The following AGAP1 variants were observed in gnomAD, a reference collection of about 807,000 sequenced individuals.
The protein encoded by AGAP1 is arf-GAP with GTPase, ANK repeat and PH domain-containing protein 1.
Under a neutral mutation model 105.3 loss-of-function variants are expected in AGAP1, and 29 were observed. That is an observed-to-expected ratio of 0.28 (90% confidence interval 0.21 to 0.38). AGAP1 has a LOEUF of 0.38. Ranked by LOEUF, AGAP1 falls within the 10% of genes least tolerant of loss-of-function variation. The pLI is 1.00. For missense variants in AGAP1, 998 were observed against 1,165.1 expected, an observed-to-expected ratio of 0.86 and a Z score of 2.09; for synonymous variants, 509 against 485.9, an observed-to-expected ratio of 1.05 and a Z score of -0.63.
chr2:235,946,948 C>T (rs1458444486), intron 12 of AGAP1, among the ~76,000 whole-genome samples: 2 of 152,200 alleles, frequency 1.3e-5, no homozygotes, highest in Non-Finnish European at 2.9e-5. Flanking sequence ...TCCTTCTTCC[C>T]CACCTTACTT....
At chr2:236,016,796 A>T (rs950233202) in intron 13 of AGAP1, among the ~76,000 whole-genome samples, 1 of 152,160 alleles carries the variant, frequency 6.6e-6, no homozygotes, top group Non-Finnish European at 1.5e-5. Context: ...ATTCCTGGGG[A>T]TACTAAATAG....
Position 235,650,917 on chromosome 2 carries a change from C to T in AGAP1, c.164-58262C>T, listed in dbSNP as rs947761992. ...GACCCTGGCCAGGCGTGGTGGCTCA[C>T]GCCTATAATCCCAGCACTTTGGGAA... On this transcript the variant is annotated intron_variant, in intron 1 of 17. Coordinates refer to ENST00000304032, the MANE Select transcript of AGAP1 (RefSeq NM_001037131.3). Among the ~76,000 whole-genome samples, 7 of 152,048 alleles carry T rather than the reference C, an allele frequency of 4.6e-5. No individual in the cohort carries two copies. The South Asian group carries it at 1.5e-3, about 32-fold the overall frequency.
At position 235,973,637 on chromosome 2, in the gene AGAP1, G is replaced by A. The variant is rs1001963353; in HGVS notation, c.1645+5014G>A. On this transcript the variant is annotated intron_variant, in intron 13 of 17. Transcript: ENST00000304032. The surrounding 1 kb of genome is among the most constrained non-coding windows in gnomAD (Gnocchi z 4.7). ...TGATGGAAGGTTTGCAAAGAAGGGC[G>A]TCCCAACTTGTCCTGGATGGCCCAG... is the stretch of plus-strand genomic sequence containing the variant. Among the ~76,000 whole-genome samples the A allele has an allele frequency of 1.3e-5, 2 of 152,344 alleles. No homozygotes were observed. The highest frequency in any genetic ancestry group is 4.8e-5 in the African/African-American group (2 of 41,590).
At chr2:235,826,827 G>C (rs553244021) in intron 9 of AGAP1, among the ~76,000 whole-genome samples, 4 of 152,166 alleles carry the variant, frequency 2.6e-5, no homozygotes, top group African/African-American at 9.7e-5. Flanking sequence ...GTGGCTGGCT[G>C]TCTTCGTCAC....
intron 3 of AGAP1, among the ~76,000 whole-genome samples, chr2:235,731,961 C>T (rs182142541): frequency 6.6e-6 from 1 of 152,324 alleles, no homozygotes; most frequent in African/African-American, 2.4e-5. Context: ...ATGGAAGGGG[C>T]AGCCGTGGCC....
At position 235,993,780 on chromosome 2, in the gene AGAP1, G is replaced by T. The variant is rs998429150; in HGVS notation, c.1645+25157G>T. 6.6e-6 allele frequency among the ~76,000 whole-genome samples: 1 copy of T among 152,150 alleles called. No individual in the cohort carries two copies. The highest frequency in any genetic ancestry group is 6.5e-5 in the Admixed American group (1 of 15,278). ...CACGCCCTTCTGCTTTGGCTGTGTAGATGCTGTTCCAGTCCTGGGGAGCAC... is the reference window on the plus strand; with the variant it reads ...CACGCCCTTCTGCTTTGGCTGTGTATATGCTGTTCCAGTCCTGGGGAGCAC... On this transcript the variant is annotated intron_variant, in intron 13 of 17. Transcript: ENST00000304032. The surrounding 1 kb of genome is among the most constrained non-coding windows in gnomAD (Gnocchi z 5.0).
Position 236,042,651 on chromosome 2 carries a change from C to T in AGAP1, c.1891+1810C>T, listed in dbSNP as rs140917482. On this transcript the variant is annotated intron_variant, in intron 15 of 17. Coordinates refer to ENST00000304032, the MANE Select transcript of AGAP1 (RefSeq NM_001037131.3). The surrounding 1 kb of genome is among the most constrained non-coding windows in gnomAD (Gnocchi z 5.6). Reference sequence around the variant, plus strand: ...TCCGTGGCTTGCGGGGACCATGATACCTGGCAAATCGGAGGTCGCAGGTCC... The same window carrying T: ...TCCGTGGCTTGCGGGGACCATGATATCTGGCAAATCGGAGGTCGCAGGTCC... Among the ~76,000 whole-genome samples, 2 of 152,184 alleles carry T rather than the reference C, an allele frequency of 1.3e-5. No homozygotes were observed. Among genetic ancestry groups the T allele is most frequent in the African/African-American group, 2.4e-5 (1 of 41,534 alleles).
chr2:235,627,981 A>G (rs1360807645), intron 1 of AGAP1, among the ~76,000 whole-genome samples: 1 of 152,150 alleles, frequency 6.6e-6, no homozygotes, highest in African/African-American at 2.4e-5. Flanking sequence ...GAAGGGGGGC[A>G]TAGGCTGAAT....
At chr2:235,522,183 G>A (rs1422359889) in intron 1 of AGAP1, among the ~76,000 whole-genome samples, 1 of 152,186 alleles carries the variant, frequency 6.6e-6, no homozygotes. Flanking sequence ...AGTAAACATT[G>A]TTCGTGTGCC....
In AGAP1 at chr2:236,113,180, G is replaced by T. The variant is rs1355006198; in HGVS notation, c.2115-7012G>T. ...TTTTGAGACGGAGTCTCGCTCTTTT[G>T]CCCAGGCTGGAGTGCAGTGGTGCAA... is the stretch of plus-strand genomic sequence containing the variant. On this transcript the variant is annotated intron_variant, in intron 16 of 17. Transcript: ENST00000304032. The surrounding 1 kb of genome is among the most constrained non-coding windows in gnomAD (Gnocchi z 4.3). Among the ~76,000 whole-genome samples, 1 of 152,178 alleles carries T rather than the reference G, an allele frequency of 6.6e-6. No homozygotes were observed. The highest frequency in any genetic ancestry group is 2.4e-5 in the African/African-American group (1 of 41,450).
chr2:235,667,506 C>G (rs1245596012), intron 1 of AGAP1, among the ~76,000 whole-genome samples: 1 of 152,118 alleles, frequency 6.6e-6, no homozygotes, highest in East Asian at 1.9e-4. Flanking sequence ...AGATTTCACC[C>G]TTACTGAGGA....
At chr2:236,015,387 AT>A (rs5839617) in intron 13 of AGAP1, among the ~76,000 whole-genome samples, 99,561 of 151,892 alleles carry the variant, frequency 0.66, 34,043 homozygotes, top group African/African-American at 0.85. Context: ...ATGGGCTGCT[AT>A]TTGCTTGTAA....
Position 235,968,553 on chromosome 2 carries a change from C to A in AGAP1, c.1575C>A (p.Asn525Lys), listed in dbSNP as rs3207204. The change falls in exon 13 of 18, where the codon AAC becomes AAA. Residue 525 changes from asparagine (N) to lysine (K), a missense_variant. Physicochemically the swap from Asn to Lys is moderately conservative, Grantham distance 94 (BLOSUM62 0). Transcript: ENST00000304032. ...KLDPPPSPHA[N>K]RKKHRRKKST... is the part of the protein sequence containing the mutation. Reference sequence around the variant, plus strand: ...ACCCGCCCCCCTCCCCTCACGCCAACAGAAAGAAGCACCGAAGGAAGAAAA... The same window carrying A: ...ACCCGCCCCCCTCCCCTCACGCCAAAAGAAAGAAGCACCGAAGGAAGAAAA... 7.5e-7 allele frequency: 1 copy of A among 1,333,134 alleles called. No individual in the cohort carries two copies. The highest frequency in any genetic ancestry group is 9.9e-7 in the Non-Finnish European group (1 of 1,007,782). 82.6% of individuals were successfully genotyped at this position (1,333,134 alleles called of 1,614,324 possible). A position where few individuals can be genotyped will look rare whatever the true frequency, so the allele number is the denominator to read the frequency against.
chr2:235,704,163 C>T (rs761349754), intron 1 of AGAP1, among the ~76,000 whole-genome samples: 19 of 152,330 alleles, frequency 1.2e-4, no homozygotes, highest in Admixed American at 1.2e-3. Context: ...CTGAGGGCTG[C>T]GTTATGGGGT....
At chr2:235,815,568 G>A (rs778772946) in intron 9 of AGAP1, among the ~76,000 whole-genome samples, 1 of 152,158 alleles carries the variant, frequency 6.6e-6, no homozygotes, top group Middle Eastern at 3.2e-3. Flanking sequence ...TGAGCTCTGT[G>A]TGACCGAGAG....
At chr2:235,634,085 A>G (rs771315314) in intron 1 of AGAP1, among the ~76,000 whole-genome samples, 2 of 152,192 alleles carry the variant, frequency 1.3e-5, no homozygotes, top group Non-Finnish European at 2.9e-5. Flanking sequence ...CGGGGCCCAC[A>G]GGCATGGGGG....
In AGAP1 at chr2:235,960,617, T is replaced by C. The variant is rs2054140890; in HGVS notation, c.1484-7845T>C. On this transcript the variant is annotated intron_variant, in intron 12 of 17. Transcript: ENST00000304032. The surrounding 1 kb of genome is among the most constrained non-coding windows in gnomAD (Gnocchi z 4.9). ...TGCGATTCCCCTCTTCCTTCTTTGT[T>C]CAGGTAGCAGGGCCCAAGAAAAATC... Among the ~76,000 whole-genome samples the C allele has an allele frequency of 6.6e-6, 1 of 152,168 alleles. No homozygotes were observed. The highest frequency in any genetic ancestry group is 2.1e-4 in the South Asian group (1 of 4,824).
At chr2:235,572,968 C>T (rs184556902) in intron 1 of AGAP1, among the ~76,000 whole-genome samples, 117 of 150,218 alleles carry the variant, frequency 7.8e-4, no homozygotes, top group Non-Finnish European at 1.5e-3. Context: ...CCCGATTGCT[C>T]CATCTTTTTT....
intron 1 of AGAP1, among the ~76,000 whole-genome samples, chr2:235,704,448 C>T (rs773273870): frequency 6.6e-6 from 1 of 152,142 alleles, no homozygotes; most frequent in Non-Finnish European, 1.5e-5. Flanking sequence ...GAGATCGAGA[C>T]CATCCTGGCC....
Sources: gnomAD v4.1 joint callset for allele counts (sites outside exome capture counted in the v4.1 genomes callset) on GRCh38, gnomAD v4.1.1 for gene constraint, Gnocchi (gnomAD v3.1) non-coding constraint, MANE v1.5 for transcripts, NCBI Gene and HGNC (gene_info 2026-07-23, HGNC 2026-07-21) for gene names.